MACROD2: variants seen among roughly 807,000 people sequenced by gnomAD.
The protein encoded by MACROD2 is ADP-ribose glycohydrolase MACROD2.
Under a neutral mutation model 70.4 loss-of-function variants are expected in MACROD2, and 36 were observed. That is an observed-to-expected ratio of 0.51 (90% CI 0.39 to 0.68). The LOEUF is 0.68. Ranked by LOEUF, MACROD2 falls within the 30% of genes least tolerant of loss-of-function variation. The pLI is 0.00. For synonymous variants in MACROD2, 172 were observed against 178.8 expected, an observed-to-expected ratio of 0.96 and a Z score of 0.30; for missense variants, 496 against 538.4, an observed-to-expected ratio of 0.92 and a Z score of 0.78.
intron 3 of MACROD2, among the ~76,000 whole-genome samples, chr20:14,227,313 C>G (rs1026377002): frequency 6.6e-6 from 1 of 152,154 alleles, no homozygotes; most frequent in Admixed American, 6.5e-5. Context: ...TCCCCTTTCA[C>G]ATGGTGGAAG....
chr20:14,018,169 TTC>T (rs1214683538), intron 2 of MACROD2, among the ~76,000 whole-genome samples: 3 of 152,268 alleles, frequency 2.0e-5, no homozygotes, highest in African/African-American at 7.2e-5. Context: ...TGTGTACTCT[TTC>T]TTATTTTCTT....
chr20:15,212,366 T>A (rs1024552319), intron 5 of MACROD2, among the ~76,000 whole-genome samples: 3 of 152,342 alleles, frequency 2.0e-5, no homozygotes, highest in South Asian at 4.1e-4. Context: ...AATGTCTCAA[T>A]TAATGTCATC....
intron 10 of MACROD2, among the ~76,000 whole-genome samples, chr20:15,924,271 T>C (rs775078550): frequency 7.2e-5 from 11 of 152,206 alleles, no homozygotes; most frequent in South Asian, 2.1e-4. Flanking sequence ...CTCAGATATA[T>C]GTGTATTGAA....
chr20:15,755,584 T>A (rs186239377), intron 8 of MACROD2, among the ~76,000 whole-genome samples: 63 of 152,326 alleles, frequency 4.1e-4, no homozygotes, highest in African/African-American at 1.5e-3. Flanking sequence ...AGCTAGTTCT[T>A]TCTCCATGCT....
intron 8 of MACROD2, among the ~76,000 whole-genome samples, chr20:15,726,969 A>G (rs187612749): frequency 1.6e-3 from 242 of 152,194 alleles, no homozygotes; most frequent in African/African-American, 5.5e-3. Flanking sequence ...TTTTGTTGCA[A>G]TTGCTTTTGG....
intron 5 of MACROD2, among the ~76,000 whole-genome samples, chr20:15,070,326 G>T (rs1031762007): frequency 3.3e-5 from 5 of 152,084 alleles, no homozygotes; most frequent in African/African-American, 1.2e-4. Flanking sequence ...TCAGATGAGG[G>T]TTTGGACTTT....
intron 5 of MACROD2, among the ~76,000 whole-genome samples, chr20:14,789,486 TTTTTTTG>T (rs2072422178): frequency 1.5e-5 from 2 of 132,972 alleles, no homozygotes; most frequent in African/African-American, 5.9e-5. Flanking sequence ...TTTTTTTTTT[TTTTTTTG>T]AGATGGAGTT....
rs570101533 is a variant in MACROD2, at chr20:14,957,052, CAG to C, written c.418+272097_418+272098del. Reference sequence around the variant, plus strand: ...CAATAAGCAATAATACTCATAAATTCAGAGACTGATTTTTTAAAATTATACAT... The same window carrying C: ...CAATAAGCAATAATACTCATAAATTCAGACTGATTTTTTAAAATTATACAT... On this transcript the variant is annotated intron_variant, in intron 5 of 17. Transcript: ENST00000684519. Among the ~76,000 whole-genome samples, 26 of 152,182 alleles carry C rather than the reference CAG, an allele frequency of 1.7e-4. No individual in the cohort carries two copies. The South Asian group carries it at 3.1e-3, about 18-fold the overall frequency.
chr20:14,301,963 A>G (rs1179175215), intron 3 of MACROD2, among the ~76,000 whole-genome samples: 1 of 152,200 alleles, frequency 6.6e-6, no homozygotes, highest in Admixed American at 6.5e-5. Flanking sequence ...TCTTATAAAA[A>G]TGTAGAAAAC....
intron 5 of MACROD2, among the ~76,000 whole-genome samples, chr20:15,010,819 A>G (rs936109102): frequency 6.6e-6 from 1 of 152,156 alleles, no homozygotes; most frequent in African/African-American, 2.4e-5. Flanking sequence ...ATATCTGCCA[A>G]TGTCTTGCTT....
chr20:14,327,264 G>A (rs2082751701), intron 3 of MACROD2: 1 of 1,613,764 alleles, frequency 6.2e-7, no homozygotes, highest in South Asian at 1.1e-5. Flanking sequence ...CTTTCAGCAA[G>A]TTTTTCAAAT....
chr20:15,865,989 T>C (rs2064487580), intron 9 of MACROD2, among the ~76,000 whole-genome samples: 1 of 152,166 alleles, frequency 6.6e-6, no homozygotes, highest in Non-Finnish European at 1.5e-5. Flanking sequence ...TGGAGTATAT[T>C]GGGTTTGGGG....
rs1400958569 is a variant in MACROD2, at chr20:14,322,191, T to C, written c.272-171288T>C. On this transcript the variant is annotated intron_variant, in intron 3 of 17. Coordinates refer to ENST00000684519, the MANE Select transcript of MACROD2 (RefSeq NM_001351661.2). ...TTCTATTGAAATATATATATATATATATATATATATTTTGTATTTTGCAAA... is the reference window on the plus strand; with the variant it reads ...TTCTATTGAAATATATATATATATACATATATATATTTTGTATTTTGCAAA... Among the ~76,000 whole-genome samples, 2 of 129,956 alleles carry C rather than the reference T, an allele frequency of 1.5e-5. 1 individual carries two copies. The highest frequency in any genetic ancestry group is 3.3e-5 in the Non-Finnish European group (2 of 60,028). 85.3% of individuals were successfully genotyped at this position (129,956 alleles called of 152,430 possible).
chr20:15,782,033 G>T (rs1253854103), intron 8 of MACROD2, among the ~76,000 whole-genome samples: 3 of 152,104 alleles, frequency 2.0e-5, no homozygotes, highest in Non-Finnish European at 4.4e-5. Context: ...AGATCTCTTG[G>T]CACTATATCG....
chr20:14,173,394 T>C (rs1323469785), intron 3 of MACROD2, among the ~76,000 whole-genome samples: 1 of 152,216 alleles, frequency 6.6e-6, no homozygotes, highest in Non-Finnish European at 1.5e-5. Context: ...CTTCTACTTT[T>C]TTGATGTTAT....
At chr20:15,610,128 A>T (rs572433662) in intron 8 of MACROD2, among the ~76,000 whole-genome samples, 4 of 152,334 alleles carry the variant, frequency 2.6e-5, no homozygotes, top group Middle Eastern at 3.4e-3. Flanking sequence ...TCCCTAGCTC[A>T]TATATCAAAC....
At chr20:14,829,038 G>T (rs1433737462) in intron 5 of MACROD2, among the ~76,000 whole-genome samples, 1 of 150,534 alleles carries the variant, frequency 6.6e-6, no homozygotes, top group Non-Finnish European at 1.5e-5. Context: ...TATCACCTAG[G>T]TGTTAAGCCC....
At chr20:15,814,133 G>A (rs544993011) in intron 8 of MACROD2, among the ~76,000 whole-genome samples, 1 of 152,048 alleles carries the variant, frequency 6.6e-6, no homozygotes, top group African/African-American at 2.4e-5. Context: ...ATATATGAGG[G>A]TAAAATAACA....
intron 7 of MACROD2, among the ~76,000 whole-genome samples, chr20:15,479,617 G>C (rs188743397): frequency 2.6e-5 from 4 of 152,250 alleles, no homozygotes; most frequent in Admixed American, 2.6e-4. Flanking sequence ...ATTTTTAGCA[G>C]TTAGCTTCAG....
Sources: gnomAD v4.1 joint callset for allele counts (sites outside exome capture counted in the v4.1 genomes callset) on GRCh38, gnomAD v4.1.1 for gene constraint, MANE v1.5 for transcripts, NCBI Gene and HGNC (gene_info 2026-07-23, HGNC 2026-07-21) for gene names.